Variants in RBPJ observed in about 807,000 individuals in gnomAD.
RBPJ encodes the protein recombination signal binding protein for immunoglobulin kappa J region.
In RBPJ, 9 loss-of-function variants were observed where a neutral mutation model predicts 67.8. That is an observed-to-expected ratio of 0.13 (90% CI 0.08 to 0.23). RBPJ has a LOEUF of 0.23. RBPJ is among the 10% of genes least tolerant of loss of function. The pLI is 1.00. For synonymous variants in RBPJ, 198 were observed against 203.3 expected (o/e 0.97, Z 0.22); for missense variants, 305 against 595.6 (o/e 0.51, Z 5.08).
intron 1 of RBPJ, among the ~76,000 whole-genome samples, chr4:26,239,011 A>G (rs1041430819): frequency 9.2e-5 from 14 of 152,102 alleles, no homozygotes; most frequent in Non-Finnish European, 4.4e-5. Context: ...TTTTCAATCA[A>G]TCAGACAACA....
At chr4:26,297,568 T>G (rs1010176889) in intron 1 of RBPJ, among the ~76,000 whole-genome samples, 3 of 152,012 alleles carry the variant, frequency 2.0e-5, no homozygotes, top group Non-Finnish European at 4.4e-5. Flanking sequence ...GGTAAAATAA[T>G]ATGTCCAAGT....
In RBPJ at chr4:26,386,333, CT is replaced by C. The variant is rs1730909373; in HGVS notation, c.21-17del. ...CATAAAGCTTACTTAACTTTATTTT[CT>C]TTATTTTTTTTTTTCCAGGAAATTT... is the stretch of plus-strand genomic sequence containing the variant. On this transcript the variant is annotated intron_variant, in intron 1 of 10. Transcript: ENST00000355476. 3.3e-6 allele frequency: 5 copies of C among 1,526,704 alleles called. No individual in the cohort carries two copies. The African/African-American group carries it at 8.1e-5, about 25-fold the overall frequency. The allele number at this position is 1,526,704 out of a possible 1,614,324, so 94.6% of individuals were successfully genotyped here. A position where few individuals can be genotyped will look rare whatever the true frequency, so the allele number is the denominator to read the frequency against.
chr4:26,227,594 T>A (rs1166822271), intron 1 of RBPJ, among the ~76,000 whole-genome samples: 1 of 152,088 alleles, frequency 6.6e-6, no homozygotes, highest in Non-Finnish European at 1.5e-5. Flanking sequence ...TTTTGCAGAG[T>A]CTGAATGCAT....
chr4:26,381,374 G>A (rs1730314810), intron 1 of RBPJ, among the ~76,000 whole-genome samples: 1 of 151,888 alleles, frequency 6.6e-6, no homozygotes, highest in Non-Finnish European at 1.5e-5. Context: ...GAGGATATGT[G>A]GGAACCTCAA....
At chr4:26,386,450 TG>T (rs1463311389) in intron 2 of RBPJ, 59 bp downstream of exon 2, 1 of 1,120,434 alleles carries the variant, frequency 8.9e-7, no homozygotes, top group African/African-American at 1.6e-5. Flanking sequence ...TAAATCTTAT[TG>T]TTTTAGATAT....
chr4:26,393,751 A>T (rs1054194722), intron 2 of RBPJ, among the ~76,000 whole-genome samples: 1 of 151,698 alleles, frequency 6.6e-6, no homozygotes, highest in African/African-American at 2.4e-5. Flanking sequence ...AAATTTTAGT[A>T]TCTTTTATTT....
chr4:26,394,638 G>T (rs76472515), intron 2 of RBPJ, among the ~76,000 whole-genome samples: 1 of 152,088 alleles, frequency 6.6e-6, no homozygotes, highest in African/African-American at 2.4e-5. Context: ...TTAGTGTGTC[G>T]AGTGGAGGTG....
At chr4:26,133,122 C>CT in the RBPJ span, among the ~76,000 whole-genome samples, 1 of 152,362 alleles carries the variant, frequency 6.6e-6, no homozygotes, top group Non-Finnish European at 1.5e-5. Context: ...CCTCTCTGGC[C>CT]AAACCATTTC....
chr4:26,110,770 AG>A, the RBPJ span, among the ~76,000 whole-genome samples: 1 of 152,102 alleles, frequency 6.6e-6, no homozygotes, highest in African/African-American at 2.4e-5. The surrounding 1 kb of genome is among the most constrained non-coding windows in gnomAD (Gnocchi z 4.5). Flanking sequence ...GTGTGTCCAT[AG>A]GTGGGTGTGG....
chr4:26,214,943 G>T, intron 1 of RBPJ, among the ~76,000 whole-genome samples: 1 of 98,748 alleles, frequency 1.0e-5, no homozygotes, highest in African/African-American at 4.5e-5. Context: ...GAGGGAGGGA[G>T]GAAGGACGGA....
chr4:26,261,194 A>G (rs1720520055), intron 1 of RBPJ, among the ~76,000 whole-genome samples: 1 of 152,214 alleles, frequency 6.6e-6, no homozygotes, highest in African/African-American at 2.4e-5. Context: ...ACAGTAAAGA[A>G]AAACTACTTA....
In RBPJ at chr4:26,245,523, T is replaced by A. The variant is rs114958629; in HGVS notation, c.-167+81909T>A. On this transcript the variant is annotated intron_variant, in intron 1 of 4. Transcript: ENST00000512351. ...CACCCGGCCCACTAATGTACTTTTG[T>A]ATGGGTTGTCTTTTCACTTTTGTGA... 4.8e-3 allele frequency among the ~76,000 whole-genome samples: 725 copies of A among 152,230 alleles called. 4 individuals carry two copies. The highest frequency in any genetic ancestry group is 0.017 in the African/African-American group (697 of 41,546).
intron 1 of RBPJ, among the ~76,000 whole-genome samples, chr4:26,303,359 G>A (rs1722140235): frequency 6.8e-6 from 1 of 146,102 alleles, no homozygotes; most frequent in Admixed American, 6.9e-5. Flanking sequence ...TGTAATCCCA[G>A]GAGTCTGAGG....
chr4:26,310,666 T>A (rs1722396201), intron 1 of RBPJ, among the ~76,000 whole-genome samples: 1 of 17,038 alleles, frequency 5.9e-5, no homozygotes, highest in Non-Finnish European at 1.1e-4. Context: ...CTGTTTTAAC[T>A]TTTTTTTTTT....
chr4:26,315,353 T>C (rs1722577943), upstream of RBPJ, among the ~76,000 whole-genome samples: 1 of 151,144 alleles, frequency 6.6e-6, no homozygotes, highest in South Asian at 2.1e-4. Flanking sequence ...ACATCACATA[T>C]TGGTAGGTCT....
the RBPJ span, among the ~76,000 whole-genome samples, chr4:26,124,415 CATATATATATATATAT>C: frequency 0.012 from 720 of 62,436 alleles, 31 homozygotes; most frequent in East Asian, 0.14. Context: ...AGTATTCCAT[CATATATATATATATAT>C]ATATATATAT....
At chr4:26,354,167 G>A (rs1225198873) in intron 1 of RBPJ, among the ~76,000 whole-genome samples, 5 of 151,730 alleles carry the variant, frequency 3.3e-5, no homozygotes, top group Non-Finnish European at 7.4e-5. Flanking sequence ...TCCTGACCTC[G>A]TGATCCACCC....
chr4:26,130,292 T>C, the RBPJ span, among the ~76,000 whole-genome samples: 3 of 152,058 alleles, frequency 2.0e-5, no homozygotes, highest in East Asian at 5.8e-4. Flanking sequence ...AACACAGGAG[T>C]TGAGTGCTCA....
intron 1 of RBPJ, among the ~76,000 whole-genome samples, chr4:26,286,610 C>T (rs1384631390): frequency 6.6e-6 from 1 of 151,898 alleles, no homozygotes; most frequent in African/African-American, 2.4e-5. Context: ...GCACATAGAA[C>T]ATCCCATTCT....
Sources: gnomAD v4.1 joint callset for allele counts (sites outside exome capture counted in the v4.1 genomes callset) on GRCh38, gnomAD v4.1.1 for gene constraint, Gnocchi (gnomAD v3.1) non-coding constraint, MANE v1.5 for transcripts, NCBI Gene and HGNC (gene_info 2026-07-23, HGNC 2026-07-21) for gene names.